Variants in MAGI3 observed in about 807,000 individuals in gnomAD.
MAGI3 encodes the protein membrane associated guanylate kinase, WW and PDZ domain containing 3.
MAGI3 carries 43 observed loss-of-function variants against 121.8 expected under a neutral mutation model. The observed-to-expected ratio is 0.35, with a 90% CI of 0.28 to 0.46. The LOEUF is 0.46. Among genes scored for constraint, MAGI3 ranks in the 20% least tolerant of loss-of-function variants. MAGI3 has a pLI of 1.00. For missense variants in MAGI3, 1,547 were observed against 1,797.3 expected (o/e 0.86, Z 2.52); for synonymous variants, 553 against 639.3 (o/e 0.86, Z 2.04).
chr1:113,662,947 C>G (rs1011219747), intron 16 of MAGI3, among the ~76,000 whole-genome samples: 1 of 152,102 alleles, frequency 6.6e-6, no homozygotes, highest in Non-Finnish European at 1.5e-5. Flanking sequence ...ACAATTTGGC[C>G]TGGCGCCGTG....
intron 6 of MAGI3, among the ~76,000 whole-genome samples, chr1:113,600,574 G>T (rs1649304686): frequency 6.7e-6 from 1 of 148,702 alleles, no homozygotes; most frequent in East Asian, 1.9e-4. Flanking sequence ...AATAAAAGAG[G>T]ATACAAGAAA....
chr1:113,636,309 A>G (rs1414967498), intron 9 of MAGI3, among the ~76,000 whole-genome samples: 1 of 151,872 alleles, frequency 6.6e-6, no homozygotes, highest in Non-Finnish European at 1.5e-5. Flanking sequence ...AGTTCTTTTA[A>G]TTGTGATGTT....
chr1:113,607,056 T>A (rs934038263), intron 6 of MAGI3, among the ~76,000 whole-genome samples: 2 of 152,202 alleles, frequency 1.3e-5, no homozygotes, highest in Non-Finnish European at 2.9e-5. Context: ...CACTACACAC[T>A]TGGATTATTC....
rs575659829 is a variant in MAGI3 at position 113,541,301 on chromosome 1, C to T, written c.317-8214C>T. On this transcript the variant is annotated intron_variant, in intron 1 of 20. Coordinates refer to ENST00000307546, the MANE Select transcript of MAGI3 (RefSeq NM_001142782.2). ...TTTAATGTTTACTATTGCCATAATTCGTAATATAGACGAAGAATGTGACCT... is the reference window on the plus strand; with the variant it reads ...TTTAATGTTTACTATTGCCATAATTTGTAATATAGACGAAGAATGTGACCT... Among the ~76,000 whole-genome samples the T allele has an allele frequency of 1.2e-4, 19 of 152,230 alleles. No homozygotes were observed. In the East Asian group the frequency reaches 3.3e-3, roughly 26 times the overall value.
chr1:113,464,246 G>C (rs759313476), intron 1 of MAGI3, among the ~76,000 whole-genome samples: 22 of 151,966 alleles, frequency 1.4e-4, no homozygotes, highest in Non-Finnish European at 2.2e-4. Flanking sequence ...GTGAGAACAA[G>C]CAATATTTGT....
Position 113,683,029 on chromosome 1 carries a change from T to A in MAGI3, c.3461T>A (p.Val1154Asp). 1 of 1,613,802 alleles carries A rather than the reference T, an allele frequency of 6.2e-7. No individual in the cohort carries two copies. Among genetic ancestry groups the A allele is most frequent in the Non-Finnish European group, 8.5e-7 (1 of 1,179,872 alleles). ...HVPVIEESLR[V>D]QICEKAEELK... ...CCAGTAATTGAAGAATCTTTGAGAG[T>A]TCAGATATGTGAAAAGGCAGAAGAA... Residue 1154 changes from valine to aspartate, a missense_variant, in exon 21 of 21, where the codon GTT becomes GAT. Val to Asp is a radical substitution (Grantham distance 152). Coordinates refer to ENST00000307546, the MANE Select transcript of MAGI3 (RefSeq NM_001142782.2).
chr1:113,683,620 C>G lies in MAGI3; in HGVS notation c.4052C>G (p.Thr1351Arg), dbSNP rs373072540. 2 of 1,613,398 alleles carry G rather than the reference C, an allele frequency of 1.2e-6. No homozygotes were observed. The highest frequency in any genetic ancestry group is 1.7e-6 in the Non-Finnish European group (2 of 1,179,794). The change falls in exon 21 of 21, where the codon ACA (threonine) becomes AGA (arginine). Residue 1351 changes from threonine to arginine, a missense_variant. Coordinates refer to ENST00000307546, the MANE Select transcript of MAGI3 (RefSeq NM_001142782.2). ...CAGAATCAGTTGGAAAAAAGCAGAA[C>G]AAGGTCTCCAGAGAAAAAAATCAAA... ...AKQNQLEKSR[T>R]RSPEKKIKRM...
At chr1:113,647,061 G>A (rs1652889085) in intron 12 of MAGI3, among the ~76,000 whole-genome samples, 1 of 152,196 alleles carries the variant, frequency 6.6e-6, no homozygotes, top group South Asian at 2.1e-4. Context: ...TATCAGTGTG[G>A]GCAGTAGGAA....
At chr1:113,680,824 C>A (rs1357542619) in intron 19 of MAGI3, among the ~76,000 whole-genome samples, 1 of 152,092 alleles carries the variant, frequency 6.6e-6, no homozygotes, top group African/African-American at 2.4e-5. Flanking sequence ...TATTAAAGAT[C>A]TGGGCATCTT....
In MAGI3 at chr1:113,416,275, AAT is replaced by A. The variant is rs1201446275; in HGVS notation, c.316+24927_316+24928del. Among the ~76,000 whole-genome samples, 2 of 32,144 alleles carry A rather than the reference AAT, an allele frequency of 6.2e-5. 1 individual carries two copies. The highest frequency in any genetic ancestry group is 1.2e-4 in the Non-Finnish European group (2 of 16,168). 21.1% of individuals were successfully genotyped at this position (32,144 alleles called of 152,430 possible). On this transcript the variant is annotated intron_variant, in intron 1 of 20. Transcript: ENST00000307546. Reference sequence around the variant, plus strand: ...AATTACACATATTAATTATGTAATTAATTACACATATTAATTATGTAATTAAT... The same window carrying A: ...AATTACACATATTAATTATGTAATTATACACATATTAATTATGTAATTAAT...
At chr1:113,677,913 C>T (rs1647974718) in intron 19 of MAGI3, among the ~76,000 whole-genome samples, 1 of 152,160 alleles carries the variant, frequency 6.6e-6, no homozygotes, top group South Asian at 2.1e-4. Context: ...GGTGAATTTA[C>T]TCCTCTGAAT....
intron 15 of MAGI3, among the ~76,000 whole-genome samples, chr1:113,655,571 T>G (rs1490193163): frequency 6.6e-6 from 1 of 152,052 alleles, no homozygotes; most frequent in Admixed American, 6.5e-5. Context: ...CTTTAAGTAG[T>G]TTTATATTTC....
intron 1 of MAGI3, chr1:113,404,102 A>G (rs553788386): frequency 6.6e-6 from 1 of 152,182 alleles, no homozygotes; most frequent in Admixed American, 6.5e-5. Context: ...CCCACCTCCC[A>G]TAACTGCTGC....
chr1:113,543,050 A>G (rs1659363141), intron 1 of MAGI3, among the ~76,000 whole-genome samples: 1 of 151,592 alleles, frequency 6.6e-6, no homozygotes, highest in Non-Finnish European at 1.5e-5. Flanking sequence ...AATATAATTA[A>G]TATGTATATA....
chr1:113,630,605 G>C (rs1651564074), intron 9 of MAGI3, among the ~76,000 whole-genome samples: 1 of 152,176 alleles, frequency 6.6e-6, no homozygotes, highest in South Asian at 2.1e-4. Flanking sequence ...AGTATCCGTG[G>C]TGTATTTATT....
intron 2 of MAGI3, among the ~76,000 whole-genome samples, chr1:113,569,824 T>C (rs2101701271): frequency 6.6e-6 from 1 of 152,300 alleles, no homozygotes; most frequent in South Asian, 2.1e-4. Context: ...GTTACTTAGA[T>C]TTGATGATTT....
chr1:113,486,627 A>T (rs1461240998), intron 1 of MAGI3, among the ~76,000 whole-genome samples: 2 of 151,274 alleles, frequency 1.3e-5, no homozygotes, highest in Non-Finnish European at 2.9e-5. Flanking sequence ...TCTTGTGAAG[A>T]CAAAAATAGG....
chr1:113,525,509 T>C (rs1012259440), intron 1 of MAGI3, among the ~76,000 whole-genome samples: 1 of 151,950 alleles, frequency 6.6e-6, no homozygotes, highest in African/African-American at 2.4e-5. Flanking sequence ...GTGGTCTTCA[T>C]TGAACTAAAT....
chr1:113,448,061 A>G (rs1220215249), intron 1 of MAGI3, among the ~76,000 whole-genome samples: 1 of 152,186 alleles, frequency 6.6e-6, no homozygotes, highest in Non-Finnish European at 1.5e-5. Flanking sequence ...ACAGATGTAA[A>G]TAATGGGCAA....
Sources: gnomAD v4.1 joint callset for allele counts (sites outside exome capture counted in the v4.1 genomes callset) on GRCh38, gnomAD v4.1.1 for gene constraint, MANE v1.5 for transcripts, NCBI Gene and HGNC (gene_info 2026-07-23, HGNC 2026-07-21) for gene names.